Variants in PLAC1 observed in about 807,000 individuals in gnomAD.
PLAC1 encodes placenta-specific protein 1.
For missense variants in PLAC1, 136 were observed against 163.2 expected, an observed-to-expected ratio of 0.83 and a Z score of 0.91; for synonymous variants, 68 against 62.1, an observed-to-expected ratio of 1.09 and a Z score of -0.44.
intron 2 of PLAC1, among the ~76,000 whole-genome samples, chrX:134,591,866 T>C (rs2078040630): frequency 8.9e-6 from 1 of 112,383 alleles, no homozygotes; most frequent in Admixed American, 9.4e-5. Flanking sequence ...TGACATCTCA[T>C]TGAAGTATTA....
chrX:134,585,786 C>A (rs1055995142), intron 2 of PLAC1, among the ~76,000 whole-genome samples: 2 of 110,967 alleles, frequency 1.8e-5, no homozygotes, highest in Admixed American at 9.6e-5. Flanking sequence ...TCAAGTTGAG[C>A]TGCCCCTGGG....
intron 2 of PLAC1, among the ~76,000 whole-genome samples, chrX:134,714,205 C>T (rs1343035389): frequency 8.9e-6 from 1 of 111,851 alleles, no homozygotes; most frequent in African/African-American, 3.3e-5. Context: ...GCCTACTCTC[C>T]TTGCTTGTTG....
At chrX:134,625,872 G>C (rs1393548107) in intron 1 of PLAC1, among the ~76,000 whole-genome samples, 1 of 110,905 alleles carries the variant, frequency 9.0e-6, no homozygotes, top group Non-Finnish European at 1.9e-5. Context: ...AGGCTGTAGG[G>C]TTTAAGAATA....
At chrX:134,584,379 AGTAGG>A (rs1441109866) in intron 2 of PLAC1, among the ~76,000 whole-genome samples, 1 of 111,864 alleles carries the variant, frequency 8.9e-6, no homozygotes, top group Admixed American at 9.5e-5. Flanking sequence ...GAGACCAAGT[AGTAGG>A]GTGCTAGACA....
intron 1 of PLAC1, among the ~76,000 whole-genome samples, chrX:134,755,133 T>G (rs1398495898): frequency 9.0e-6 from 1 of 111,362 alleles, no homozygotes; most frequent in Non-Finnish European, 1.9e-5. Flanking sequence ...CATGTGGAAA[T>G]TAGATGGAAA....
At chrX:134,599,037 C>T (rs937078639) in intron 2 of PLAC1, among the ~76,000 whole-genome samples, 49 of 111,639 alleles carry the variant, frequency 4.4e-4, no homozygotes, top group African/African-American at 1.3e-3. Flanking sequence ...TAGTTAATAA[C>T]CCCTCTCTGG....
chrX:134,579,725 A>C lies in PLAC1; in HGVS notation c.-58-12985T>G, dbSNP rs546811195. Reference sequence around the variant, plus strand: ...CACAAGTTGGAGAGGGGAGACCCAGATAGACTCCAGCTGAGCGGTGGTTTG... The same window carrying C: ...CACAAGTTGGAGAGGGGAGACCCAGCTAGACTCCAGCTGAGCGGTGGTTTG... On this transcript the variant is annotated intron_variant, in intron 2 of 2. Coordinates refer to ENST00000359237, the MANE Select transcript of PLAC1 (RefSeq NM_021796.4). 5.2e-4 allele frequency among the ~76,000 whole-genome samples: 58 copies of C among 111,534 alleles called. 2 individuals carry two copies. The South Asian group carries it at 0.022, about 42-fold the overall frequency.
At chrX:134,721,722 G>T in intron 2 of PLAC1, among the ~76,000 whole-genome samples, 1 of 109,254 alleles carries the variant, frequency 9.2e-6, no homozygotes, top group Middle Eastern at 4.7e-3. Flanking sequence ...AATTAGCCAG[G>T]CATGGTGGCA....
chrX:134,724,376 G>A (rs1334236344), intron 2 of PLAC1, among the ~76,000 whole-genome samples: 1 of 111,818 alleles, frequency 8.9e-6, no homozygotes, highest in African/African-American at 3.3e-5. Flanking sequence ...CCCTCACTGC[G>A]TGCCAACATG....
Position 134,706,814 on chromosome X carries a change from G to A in PLAC1, n.174+26621C>T, listed in dbSNP as rs779614347. Reference sequence around the variant, plus strand: ...GGATGGGCCCAATAGCAAAATGGAGGAGATAGAGAAAAGAAGCAGTAAGCT... The same window carrying A: ...GGATGGGCCCAATAGCAAAATGGAGAAGATAGAGAAAAGAAGCAGTAAGCT... On this transcript the variant is annotated intron_variant and non_coding_transcript_variant, in intron 2 of 2. Coordinates refer to the PLAC1 transcript ENST00000466797. Among the ~76,000 whole-genome samples, 4 of 111,237 alleles carry A rather than the reference G, an allele frequency of 3.6e-5. No individual in the cohort carries two copies. The South Asian group carries it at 1.5e-3, about 43-fold the overall frequency.
chrX:134,668,134 A>G (rs1199750201), intron 2 of PLAC1, among the ~76,000 whole-genome samples: 2 of 112,283 alleles, frequency 1.8e-5, no homozygotes, highest in Non-Finnish European at 3.8e-5. Flanking sequence ...TGGTATAGTC[A>G]TATTATTCAG....
intron 2 of PLAC1, among the ~76,000 whole-genome samples, chrX:134,726,546 C>T (rs1047278506): frequency 1.2e-4 from 13 of 111,783 alleles, no homozygotes; most frequent in Admixed American, 1.0e-3. Flanking sequence ...ACTTCCTGGC[C>T]GGGCGCTGTG....
chrX:134,655,267 A>AAG (rs1319004569), intron 1 of PLAC1, among the ~76,000 whole-genome samples: 23 of 109,897 alleles, frequency 2.1e-4, no homozygotes, highest in African/African-American at 7.3e-4. Flanking sequence ...TATAACCACC[A>AAG]AGATTCCACA....
chrX:134,732,552 C>CA (rs111990797), intron 2 of PLAC1, among the ~76,000 whole-genome samples: 1 of 111,249 alleles, frequency 9.0e-6, no homozygotes, highest in Non-Finnish European at 1.9e-5. Flanking sequence ...AACAGGATCT[C>CA]AAAAAAACCC....
intron 2 of PLAC1, among the ~76,000 whole-genome samples, chrX:134,714,629 T>C (rs993516118): frequency 2.7e-5 from 3 of 111,232 alleles, no homozygotes; most frequent in Admixed American, 9.6e-5. Context: ...TCTGTACCCA[T>C]CAAACATTAG....
At chrX:134,675,101 C>T (rs962310864) in intron 2 of PLAC1, among the ~76,000 whole-genome samples, 1 of 112,150 alleles carries the variant, frequency 8.9e-6, no homozygotes, top group Non-Finnish European at 1.9e-5. Flanking sequence ...CTTAATGCAT[C>T]GAACTCTGGA....
At chrX:134,619,048 G>A (rs892066385) in intron 1 of PLAC1, among the ~76,000 whole-genome samples, 2 of 112,199 alleles carry the variant, frequency 1.8e-5, no homozygotes, top group African/African-American at 6.5e-5. Context: ...ATCCTTCAGA[G>A]GCAGCAGAAG....
chrX:134,623,567 T>C (rs757288088), intron 1 of PLAC1, among the ~76,000 whole-genome samples: 1 of 112,429 alleles, frequency 8.9e-6, no homozygotes, highest in Admixed American at 9.4e-5. Flanking sequence ...ATTAACTCAC[T>C]GGAGGTAAAC....
At chrX:134,644,872 C>T (rs747786936) in intron 1 of PLAC1, among the ~76,000 whole-genome samples, 61 of 111,672 alleles carry the variant, frequency 5.5e-4, no homozygotes, top group Non-Finnish European at 9.8e-4. Context: ...CAACTCATGC[C>T]TCAAACAATG....
Sources: gnomAD v4.1 joint callset for allele counts (sites outside exome capture counted in the v4.1 genomes callset) on GRCh38, gnomAD v4.1.1 for gene constraint, MANE v1.5 for transcripts, NCBI Gene and HGNC (gene_info 2026-07-23, HGNC 2026-07-21) for gene names.